NHLRC2: variants seen among roughly 807,000 people sequenced by gnomAD.
NHLRC2 encodes the protein NHL repeat containing 2, also known as NHL repeat-containing protein 2.
NHLRC2 carries 33 observed loss-of-function variants against 68.1 expected under a neutral mutation model. The ratio of observed to expected loss-of-function variants is 0.48; its 90% CI spans 0.37 to 0.65. NHLRC2 has a LOEUF of 0.65. NHLRC2 is among the 30% of genes least tolerant of loss of function. NHLRC2 has a pLI of 0.00. For synonymous variants in NHLRC2, 311 were observed against 309.6 expected (o/e 1.00, Z -0.05); for missense variants, 761 against 853.8 (o/e 0.89, Z 1.35).
At chr10:113,855,486 G>A (rs1232307800) in intron 1 of NHLRC2, among the ~76,000 whole-genome samples, 1 of 144,578 alleles carries the variant, frequency 6.9e-6, no homozygotes. Flanking sequence ...GTTTTTTTTT[G>A]ATACGGAGTC....
rs58207579 is a variant in NHLRC2, at chr10:113,874,442, TTGTGTGTGTGTGTG to T, written c.332-2039_332-2026del. 4.5e-3 allele frequency among the ~76,000 whole-genome samples: 569 copies of T among 125,748 alleles called. 2 individuals carry two copies. The highest frequency in any genetic ancestry group is 0.011 in the African/African-American group (377 of 34,054). 82.5% of individuals were successfully genotyped at this position (125,748 alleles called of 152,430 possible). A position where few individuals can be genotyped will look rare whatever the true frequency, so the allele number is the denominator to read the frequency against. On this transcript the variant is annotated intron_variant, in intron 2 of 10. Transcript: ENST00000369301. Reference sequence around the variant, plus strand: ...TCCCAGCTGCTTTCAAGGCATGTGTTTGTGTGTGTGTGTGTGTGTGTGTGTGTGTGTGTGTGTGT... The same window carrying T: ...TCCCAGCTGCTTTCAAGGCATGTGTTTGTGTGTGTGTGTGTGTGTGTGTGT...
At chr10:113,877,623 C>T (rs1845996460) in intron 3 of NHLRC2, among the ~76,000 whole-genome samples, 2 of 152,130 alleles carry the variant, frequency 1.3e-5, no homozygotes, top group South Asian at 2.1e-4. Flanking sequence ...ATAAACTCTA[C>T]TGAGTACATT....
rs1169355995 is a variant in NHLRC2, at chr10:113,913,775, A to G, written c.*5239A>G. ...CATGACTCAAATATTAATATATGCA[A>G]TTCTGTTACAGTAAAGTTTTCACCA... On this transcript the variant is annotated 3_prime_UTR_variant, in exon 11 of 11. Transcript: ENST00000369301. 1 of 151,766 alleles carries G rather than the reference A, an allele frequency of 6.6e-6. No homozygotes were observed. Among genetic ancestry groups the G allele is most frequent in the Non-Finnish European group, 1.5e-5 (1 of 68,002 alleles). 9.4% of individuals were successfully genotyped at this position (151,766 alleles called of 1,614,324 possible).
intron 5 of NHLRC2, among the ~76,000 whole-genome samples, chr10:113,897,544 G>T (rs560782789): frequency 1.7e-3 from 253 of 152,306 alleles, no homozygotes; most frequent in Non-Finnish European, 2.9e-3. Flanking sequence ...TGTGCTTTGA[G>T]CCTTTTATTT....
intron 5 of NHLRC2, among the ~76,000 whole-genome samples, chr10:113,894,771 A>T (rs1846163186): frequency 6.6e-6 from 1 of 152,070 alleles, no homozygotes; most frequent in Admixed American, 6.5e-5. Flanking sequence ...AGTTTTTATC[A>T]TGAATGGAAG....
At chr10:113,862,677 A>T (rs1347366985) in intron 2 of NHLRC2, among the ~76,000 whole-genome samples, 1 of 152,248 alleles carries the variant, frequency 6.6e-6, no homozygotes, top group Non-Finnish European at 1.5e-5. Flanking sequence ...TGTTGTCTTC[A>T]AGAGACTCAC....
chr10:113,888,947 C>T (rs764980532), intron 5 of NHLRC2, among the ~76,000 whole-genome samples: 18 of 151,786 alleles, frequency 1.2e-4, no homozygotes, highest in Admixed American at 2.0e-4. Context: ...CTGCCTCAGC[C>T]TCCCAAGTAG....
Position 113,854,820 on chromosome 10 carries a change from C to T in NHLRC2, c.-53C>T. 6.8e-7 allele frequency: 1 copy of T among 1,478,698 alleles called. No individual in the cohort carries two copies. The highest frequency in any genetic ancestry group is 1.3e-5 in the South Asian group (1 of 76,510). The allele number at this position is 1,478,698 out of a possible 1,614,324, so 91.6% of individuals were successfully genotyped here. ...CAGGACAGTGAACGTTTCGTCTCTC[C>T]CAGCGAGACTCTCCCGCGGGCCCGG... On this transcript the variant is annotated 5_prime_UTR_variant, in exon 1 of 11. Coordinates refer to ENST00000369301, the MANE Select transcript of NHLRC2 (RefSeq NM_198514.4).
At chr10:113,871,588 A>C (rs1176890952) in intron 2 of NHLRC2, among the ~76,000 whole-genome samples, 2 of 152,134 alleles carry the variant, frequency 1.3e-5, no homozygotes, top group African/African-American at 4.8e-5. Context: ...TTTATACTGT[A>C]CTTCTGTTTT....
At chr10:113,896,424 C>A (rs1846178214) in intron 5 of NHLRC2, among the ~76,000 whole-genome samples, 1 of 149,486 alleles carries the variant, frequency 6.7e-6, no homozygotes. Context: ...GAACAAAAAA[C>A]CAAACACCGC....
intron 2 of NHLRC2, among the ~76,000 whole-genome samples, chr10:113,872,756 T>A (rs961941797): frequency 1.1e-4 from 11 of 97,132 alleles, no homozygotes; most frequent in East Asian, 3.5e-4. Context: ...AGAATGAAAA[T>A]GAGCTAAAAA....
At chr10:113,860,983 A>T (rs1340946081) in intron 2 of NHLRC2, among the ~76,000 whole-genome samples, 1 of 152,198 alleles carries the variant, frequency 6.6e-6, no homozygotes, top group East Asian at 1.9e-4. Context: ...TCTAAATCCT[A>T]AGGAGCTCTT....
intron 1 of NHLRC2, among the ~76,000 whole-genome samples, chr10:113,856,829 A>G (rs1244775530): frequency 6.6e-6 from 1 of 152,248 alleles, no homozygotes; most frequent in Non-Finnish European, 1.5e-5. Flanking sequence ...TCAGGAAGTC[A>G]TAAACATAAC....
chr10:113,894,269 T>C (rs183117537), intron 5 of NHLRC2, among the ~76,000 whole-genome samples: 128 of 152,332 alleles, frequency 8.4e-4, no homozygotes, highest in African/African-American at 3.0e-3. Context: ...GAGCTGACTT[T>C]TCAATCAAGA....
chr10:113,855,175 G>A (rs900185379), intron 1 of NHLRC2, 125 bp downstream of exon 1: 1 of 835,448 alleles, frequency 1.2e-6, no homozygotes, highest in Non-Finnish European at 1.9e-6. Flanking sequence ...GTGGCCCTTC[G>A]CCTAACTTGG....
Position 113,903,706 on chromosome 10 carries a change from G to T in NHLRC2, c.1674G>T (p.Val558=). 1.3e-6 allele frequency: 2 copies of T among 1,582,180 alleles called. No individual in the cohort carries two copies. The highest frequency in any genetic ancestry group is 1.1e-5 in the South Asian group (1 of 90,182). Residue 558 remains valine, a synonymous_variant, in exon 9 of 11, where the codon GTG becomes GTT. Coordinates refer to ENST00000369301, the MANE Select transcript of NHLRC2 (RefSeq NM_198514.4). ...ACACCAATAATCATCAAATTAAAGT[G>T]ATGGATTTAGAAACTAAAATGGTAT... is the stretch of plus-strand genomic sequence containing the variant. ...VADTNNHQIK[V]MDLETKMVSV... is the part of the protein sequence containing the mutation.
chr10:113,855,508 C>T (rs1013533672), intron 1 of NHLRC2, among the ~76,000 whole-genome samples: 1 of 151,736 alleles, frequency 6.6e-6, no homozygotes, highest in African/African-American at 2.4e-5. Context: ...CGCTCTGTCT[C>T]CCAGGCTGGA....
At chr10:113,906,589 A>G (rs1846277156) in intron 10 of NHLRC2, among the ~76,000 whole-genome samples, 1 of 151,916 alleles carries the variant, frequency 6.6e-6, no homozygotes, top group South Asian at 2.1e-4. Context: ...AACTTCACAA[A>G]TTGTGTGTGT....
In NHLRC2 at chr10:113,910,738, G is replaced by A. The variant is rs1426545140; in HGVS notation, c.*2202G>A. 2.6e-5 allele frequency: 4 copies of A among 152,062 alleles called. No homozygotes were observed. The allele number at this position is 152,062 out of a possible 1,614,324, so 9.4% of individuals were successfully genotyped here. ...GTTCATGTACAGTGAAAATGCAAAG[G>A]CATTTTTTAGACTCTATTCCCCTTC... On this transcript the variant is annotated 3_prime_UTR_variant, in exon 11 of 11. Transcript: ENST00000369301.
Sources: allele counts gnomAD v4.1 joint callset (sites outside exome capture counted in the v4.1 genomes callset), GRCh38; gene constraint gnomAD v4.1.1; transcripts MANE v1.5; gene names NCBI Gene and HGNC (gene_info 2026-07-23, HGNC 2026-07-21).